The following EIF2AK1 variants were observed in gnomAD, a reference collection of about 807,000 sequenced individuals.
EIF2AK1 encodes eukaryotic translation initiation factor 2-alpha kinase 1.
EIF2AK1 carries 54 observed loss-of-function variants against 77.9 expected under a neutral mutation model. The observed-to-expected ratio is 0.69, with a 90% CI of 0.56 to 0.87. The LOEUF (loss-of-function observed/expected upper bound fraction) is 0.87. EIF2AK1 is among the 40% of genes least tolerant of loss of function. The pLI is 0.00. For synonymous variants in EIF2AK1, 314 were observed against 290.5 expected, an observed-to-expected ratio of 1.08 and a Z score of -0.82; for missense variants, 810 against 768.6, an observed-to-expected ratio of 1.05 and a Z score of -0.64.
rs369116239 is a variant in EIF2AK1 at position 6,028,904 on chromosome 7, A to G, written c.1447+14T>C. ...TGCTTATGCAAAGAAAACAAAACAA[A>G]ACCAAAAACTTACTCTTCCCGTTTC... On this transcript the variant is annotated intron_variant, in intron 12 of 14. Coordinates refer to ENST00000199389, the MANE Select transcript of EIF2AK1 (RefSeq NM_014413.4). 1.3e-5 allele frequency: 20 copies of G among 1,590,616 alleles called. No homozygotes were observed. In the African/African-American group the frequency reaches 2.7e-4, roughly 22 times the overall value.
chr7:6,024,164 C>CT lies in EIF2AK1; in HGVS notation c.*508dup. The CT allele has an allele frequency of 7.8e-7, 1 of 1,281,880 alleles. No homozygotes were observed. Among genetic ancestry groups the CT allele is most frequent in the Non-Finnish European group, 1.0e-6 (1 of 984,542 alleles). 79.4% of individuals were successfully genotyped at this position (1,281,880 alleles called of 1,614,324 possible). A position where few individuals can be genotyped will look rare whatever the true frequency, so the allele number is the denominator to read the frequency against. ...AAGGTTGGAAGTTGCACACTGTACA[C>CT]TGTTAAGAAGTTGAGCTTTTATCTT... On this transcript the variant is annotated 3_prime_UTR_variant, in exon 15 of 15. Coordinates refer to ENST00000199389, the MANE Select transcript of EIF2AK1 (RefSeq NM_014413.4).
Position 6,035,385 on chromosome 7 carries a change from C to A in EIF2AK1, c.1332+2039G>T. 7.0e-7 allele frequency: 1 copy of A among 1,436,308 alleles called. No homozygotes were observed. The highest frequency in any genetic ancestry group is 9.4e-7 in the Non-Finnish European group (1 of 1,058,426). 89.0% of individuals were successfully genotyped at this position (1,436,308 alleles called of 1,614,324 possible). A position where few individuals can be genotyped will look rare whatever the true frequency, so the allele number is the denominator to read the frequency against. On this transcript the variant is annotated intron_variant, in intron 11 of 14. Coordinates refer to ENST00000199389, the MANE Select transcript of EIF2AK1 (RefSeq NM_014413.4). The surrounding 1 kb of genome is among the most constrained non-coding windows in gnomAD (Gnocchi z 5.5). ...TACTGGCTTCTTAAGCATTAACTGT[C>A]CACGTAGAGCCGTTCCCACTGTGAA...
At chr7:6,039,225 C>T (rs373341066) in intron 9 of EIF2AK1, among the ~76,000 whole-genome samples, 10 of 152,160 alleles carry the variant, frequency 6.6e-5, no homozygotes, top group South Asian at 4.1e-4. Flanking sequence ...AGAAAATTTT[C>T]CAAATAAAAT....
intron 10 of EIF2AK1, 113 bp downstream of exon 10, chr7:6,038,447 A>T: frequency 1.4e-6 from 1 of 690,040 alleles, no homozygotes; most frequent in Admixed American, 2.9e-5. Context: ...TCAAAAAAAT[A>T]AAATAAATAA....
At chr7:6,048,891 G>T in intron 3 of EIF2AK1, 47 bp from the exon 4 acceptor site, 1 of 1,365,954 alleles carries the variant, frequency 7.3e-7, no homozygotes, top group Non-Finnish European at 1.0e-6. Flanking sequence ...AAACTTGCAT[G>T]GAATAAAGAA....
At chr7:6,049,190 TG>T (rs1406220762) in intron 3 of EIF2AK1, among the ~76,000 whole-genome samples, 2 of 152,084 alleles carry the variant, frequency 1.3e-5, no homozygotes, top group Admixed American at 6.6e-5. Context: ...CCCACTAAAA[TG>T]TAAGTCAGAT....
At chr7:6,038,921 C>G (rs1382605760) in intron 9 of EIF2AK1, among the ~76,000 whole-genome samples, 1 of 152,014 alleles carries the variant, frequency 6.6e-6, no homozygotes, top group Non-Finnish European at 1.5e-5. Context: ...GTAATACCAG[C>G]AGAAGGGGGG....
chr7:6,055,588 A>C (rs1788728020), intron 1 of EIF2AK1, among the ~76,000 whole-genome samples: 1 of 151,350 alleles, frequency 6.6e-6, no homozygotes, highest in African/African-American at 2.4e-5. Flanking sequence ...TTTGCACTGT[A>C]TGAGACCATG....
rs1314255468 is a variant in EIF2AK1 at position 6,044,506 on chromosome 7, T to C, written c.730+56A>G. On this transcript the variant is annotated intron_variant, in intron 7 of 14. Transcript: ENST00000199389. Reference sequence around the variant, plus strand: ...AAAAACAAAGGCAGGCCAGATTTGGTGCACGGGCTAAAGTTTGCCAACGCT... The same window carrying C: ...AAAAACAAAGGCAGGCCAGATTTGGCGCACGGGCTAAAGTTTGCCAACGCT... 2.1e-6 allele frequency: 3 copies of C among 1,441,676 alleles called. No individual in the cohort carries two copies. The African/African-American group carries it at 4.2e-5, about 20-fold the overall frequency. 89.3% of individuals were successfully genotyped at this position (1,441,676 alleles called of 1,614,324 possible).
At position 6,032,781 on chromosome 7, in the gene EIF2AK1, A is replaced by G; in HGVS notation, c.1333-3749T>C. 1 of 1,401,460 alleles carries G rather than the reference A, an allele frequency of 7.1e-7. No homozygotes were observed. The highest frequency in any genetic ancestry group is 9.8e-7 in the Non-Finnish European group (1 of 1,015,822). The allele number at this position is 1,401,460 out of a possible 1,614,324, so 86.8% of individuals were successfully genotyped here. On this transcript the variant is annotated intron_variant, in intron 11 of 14. Coordinates refer to ENST00000199389, the MANE Select transcript of EIF2AK1 (RefSeq NM_014413.4). This position sits in a 1 kb window ranked among gnomAD's most constrained non-coding sequence, Gnocchi z 4.3. Reference sequence around the variant, plus strand: ...TGCCTTTGAAACGGCAAGCTAACACAAACAGTATTTTTAACTACACAGGGC... The same window carrying G: ...TGCCTTTGAAACGGCAAGCTAACACGAACAGTATTTTTAACTACACAGGGC...
At chr7:6,037,335 G>A in intron 11 of EIF2AK1, 89 bp downstream of exon 11, 1 of 815,812 alleles carries the variant, frequency 1.2e-6, no homozygotes, top group East Asian at 2.4e-5. Context: ...ACTAGGACAT[G>A]TAATCTTATT....
rs1278756784 is a variant in EIF2AK1, at chr7:6,033,394, G to A, written c.1332+4030C>T. 6.6e-6 allele frequency among the ~76,000 whole-genome samples: 1 copy of A among 152,108 alleles called. No homozygotes were observed. Among genetic ancestry groups the A allele is most frequent in the Non-Finnish European group, 1.5e-5 (1 of 68,030 alleles). ...AATGAACCAATGTCTTTACTGAGTA[G>A]ATGAGATACTCTGAAAAACTGAGAA... On this transcript the variant is annotated intron_variant, in intron 11 of 14. Coordinates refer to ENST00000199389, the MANE Select transcript of EIF2AK1 (RefSeq NM_014413.4). The surrounding 1 kb of genome is among the most constrained non-coding windows in gnomAD (Gnocchi z 4.4).
rs1400949174 is a variant in EIF2AK1 at position 6,023,629 on chromosome 7, A to G, written c.*1044T>C. 6.2e-7 allele frequency: 1 copy of G among 1,614,120 alleles called. No individual in the cohort carries two copies. Among genetic ancestry groups the G allele is most frequent in the South Asian group, 1.1e-5 (1 of 91,080 alleles). On this transcript the variant is annotated 3_prime_UTR_variant, in exon 15 of 15. Transcript: ENST00000199389. The stretch of plus-strand genomic sequence containing the variant: ...TGTGACAGTGCCAGCCAATGTGCAG[A>G]GGTGGATGAGGTCTTGTGAAAACCT...
intron 6 of EIF2AK1, among the ~76,000 whole-genome samples, chr7:6,045,817 G>A (rs998386481): frequency 6.7e-6 from 1 of 150,226 alleles, no homozygotes; most frequent in Admixed American, 6.7e-5. Flanking sequence ...GAGAATCCTT[G>A]AACCCTGCGG....
intron 14 of EIF2AK1, 29 bp downstream of exon 14, chr7:6,026,699 C>A (rs757621116): frequency 2.5e-6 from 4 of 1,591,760 alleles, no homozygotes; most frequent in Non-Finnish European, 3.4e-6. Context: ...CACCTTCACT[C>A]CAGGACCAAG....
chr7:6,049,813 C>T, intron 3 of EIF2AK1, 99 bp downstream of exon 3: 1 of 1,258,338 alleles, frequency 7.9e-7, no homozygotes, highest in African/African-American at 1.5e-5. Context: ...CTTTTAAAAA[C>T]TTGTTTTATA....
chr7:6,041,032 C>T lies in EIF2AK1; in HGVS notation c.979G>A (p.Glu327Lys), dbSNP rs759381224. 1 of 1,614,140 alleles carries T rather than the reference C, an allele frequency of 6.2e-7. No homozygotes were observed. The highest frequency in any genetic ancestry group is 1.1e-5 in the South Asian group (1 of 91,082). Residue 327 changes from glutamate (E) to lysine (K), a missense_variant, in exon 9 of 15, where the codon GAA becomes AAA. By Grantham distance (56) the Glu-to-Lys change is moderately conservative. Around this residue, in one of 3 missense-constraint regions of EIF2AK1, gnomAD observed 549 missense variants for 533.7 expected, o/e 1.03. Coordinates refer to ENST00000199389, the MANE Select transcript of EIF2AK1 (RefSeq NM_014413.4). Reference protein sequence around the residue: ...GELESTLELQENGLAGLSASS... With the variant: ...GELESTLELQKNGLAGLSASS... ...GCAGACAAACCAGCCAAGCCATTTT[C>T]CTGGAGCTCCAGGGTCGACTCAAGT...
rs937051693 is a variant in EIF2AK1, at chr7:6,036,400, A to G, written c.1332+1024T>C. 11 of 1,444,664 alleles carry G rather than the reference A, an allele frequency of 7.6e-6. No individual in the cohort carries two copies. In the African/African-American group the frequency reaches 1.4e-4, roughly 19 times the overall value. 89.5% of individuals were successfully genotyped at this position (1,444,664 alleles called of 1,614,324 possible). A position where few individuals can be genotyped will look rare whatever the true frequency, so the allele number is the denominator to read the frequency against. On this transcript the variant is annotated intron_variant, in intron 11 of 14. Transcript: ENST00000199389. The surrounding 1 kb of genome is among the most constrained non-coding windows in gnomAD (Gnocchi z 4.6). ...TATACCTCTTGAAATAAGACCTCCC[A>G]GTTTCACAGCAGAGGGACTTTCAGC...
At chr7:6,045,476 A>G (rs1402534224) in intron 6 of EIF2AK1, among the ~76,000 whole-genome samples, 1 of 151,980 alleles carries the variant, frequency 6.6e-6, no homozygotes, top group African/African-American at 2.4e-5. Context: ...TTTATAGGGC[A>G]TTTTATACTT....
Sources: allele counts gnomAD v4.1 joint callset (sites outside exome capture counted in the v4.1 genomes callset), GRCh38; gene constraint gnomAD v4.1.1; regional missense constraint gnomAD v4.1.1; non-coding constraint Gnocchi (gnomAD v3.1); transcripts MANE v1.5; gene names NCBI Gene and HGNC (gene_info 2026-07-23, HGNC 2026-07-21).